Variants in DTNB observed in about 807,000 individuals in gnomAD.
DTNB encodes DTN-B.
Under a neutral mutation model 90.7 loss-of-function variants are expected in DTNB, and 63 were observed. The observed-to-expected ratio is 0.69, with a 90% CI of 0.57 to 0.86. The LOEUF is 0.86. Ranked by LOEUF, DTNB falls within the 40% of genes least tolerant of loss-of-function variation. The pLI is 0.00. For missense variants in DTNB, 744 were observed against 807.1 expected (o/e 0.92, Z 0.95); for synonymous variants, 277 against 286.7 (o/e 0.97, Z 0.34).
chr2:25,630,648 C>T (rs1487949608), intron 3 of DTNB, among the ~76,000 whole-genome samples: 2 of 151,876 alleles, frequency 1.3e-5, no homozygotes, highest in African/African-American at 4.8e-5. Context: ...AGTTCGAGAC[C>T]AGCCTGGCCA....
intron 8 of DTNB, among the ~76,000 whole-genome samples, chr2:25,565,850 C>A (rs2058948815): frequency 6.6e-6 from 1 of 152,058 alleles, no homozygotes; most frequent in Admixed American, 6.5e-5. Flanking sequence ...CTAAGAGATT[C>A]AAGACGTAAT....
chr2:25,563,143 C>T (rs1250489467), intron 8 of DTNB, among the ~76,000 whole-genome samples: 4 of 152,194 alleles, frequency 2.6e-5, no homozygotes, highest in African/African-American at 7.2e-5. Context: ...GTGTATAGTA[C>T]AGTAGTAGTG....
chr2:25,550,149 T>C (rs962787095), intron 8 of DTNB, among the ~76,000 whole-genome samples: 4 of 152,124 alleles, frequency 2.6e-5, no homozygotes, highest in Admixed American at 2.0e-4. Flanking sequence ...CCCAGCACTT[T>C]GGGAGGCCAA....
Position 25,626,570 on chromosome 2 carries a change from T to C in DTNB, c.362+1601A>G, listed in dbSNP as rs73922447. 3.0e-3 allele frequency among the ~76,000 whole-genome samples: 464 copies of C among 152,266 alleles called. 3 individuals are homozygous for C. The highest frequency in any genetic ancestry group is 0.011 in the African/African-American group (447 of 41,536). The stretch of plus-strand genomic sequence containing the variant: ...TTTGAGCCCAGTAGTTAGACCAGCC[T>C]GGGAAACACAGCAAGACCCCATCTC... On this transcript the variant is annotated intron_variant, in intron 4 of 20. Coordinates refer to ENST00000406818, the MANE Select transcript of DTNB (RefSeq NM_021907.5).
chr2:25,396,731 T>TAAAAAAAAAAAAAAAAAAAA (rs35592591), intron 16 of DTNB, among the ~76,000 whole-genome samples: 4 of 87,618 alleles, frequency 4.6e-5, no homozygotes, highest in African/African-American at 8.7e-5. Flanking sequence ...TAAAAGGAAC[T>TAAAAAAAAAAAAAAAAAAAA]AAAAAAAAAA....
At chr2:25,555,071 C>T (rs1039361518) in intron 8 of DTNB, among the ~76,000 whole-genome samples, 8 of 151,560 alleles carry the variant, frequency 5.3e-5, no homozygotes, top group South Asian at 2.1e-4. Flanking sequence ...CCGAGGTGGG[C>T]GGATCACGAA....
chr2:25,556,170 C>CTTTTTTTTTTTTTT (rs60714399), intron 8 of DTNB, among the ~76,000 whole-genome samples: 2 of 105,566 alleles, frequency 1.9e-5, no homozygotes, highest in African/African-American at 7.8e-5. Context: ...GGCCATCTCT[C>CTTTTTTTTTTTTTT]TTTTTTTTTT....
At chr2:25,431,335 T>C (rs1000289901) in intron 14 of DTNB, among the ~76,000 whole-genome samples, 1 of 152,118 alleles carries the variant, frequency 6.6e-6, no homozygotes, top group African/African-American at 2.4e-5. Context: ...CCGAGTCTTC[T>C]AGAAGTTTTA....
chr2:25,633,328 T>A (rs1486061430), intron 3 of DTNB, among the ~76,000 whole-genome samples: 2 of 152,128 alleles, frequency 1.3e-5, no homozygotes, highest in Non-Finnish European at 2.9e-5. Context: ...CACGCCTGAC[T>A]GGTTTTCGTA....
chr2:25,528,622 T>G (rs1253607804), intron 9 of DTNB, among the ~76,000 whole-genome samples: 1 of 152,196 alleles, frequency 6.6e-6, no homozygotes. Flanking sequence ...CTATTTGCAT[T>G]TCCATACACT....
rs143775781 is a variant in DTNB, at chr2:25,478,215, T to TG, written c.1079+4580dup. 8.9e-3 allele frequency among the ~76,000 whole-genome samples: 1,361 copies of TG among 152,284 alleles called. 12 individuals carry two copies. Among genetic ancestry groups the TG allele is most frequent in the Middle Eastern group, 0.017 (5 of 294 alleles). ...TGTTTAAAATGCATCATTTGGTTCA[T>TG]GGTTTAATGGGTTAATGAATCACAA... On this transcript the variant is annotated intron_variant, in intron 10 of 20. Transcript: ENST00000406818.
chr2:25,432,858 T>C (rs1381290213), intron 14 of DTNB, 28 bp downstream of exon 14: 2 of 1,566,342 alleles, frequency 1.3e-6, no homozygotes, highest in Non-Finnish European at 1.7e-6. Context: ...AGATTACATG[T>C]GGCAAGTGGT....
At chr2:25,386,436 T>C (rs2039489051) in intron 18 of DTNB, among the ~76,000 whole-genome samples, 1 of 152,174 alleles carries the variant, frequency 6.6e-6, no homozygotes, top group Non-Finnish European at 1.5e-5. Flanking sequence ...AAGCACTACA[T>C]TAGGTGGAAA....
chr2:25,509,166 TACTGC>T (rs2073319832), intron 9 of DTNB, among the ~76,000 whole-genome samples: 1 of 152,220 alleles, frequency 6.6e-6, no homozygotes, highest in Non-Finnish European at 1.5e-5. Context: ...TTTCTCGTAT[TACTGC>T]ACTAGCTAGG....
intron 9 of DTNB, among the ~76,000 whole-genome samples, chr2:25,484,938 T>A (rs2065821996): frequency 6.6e-6 from 1 of 152,258 alleles, no homozygotes; most frequent in African/African-American, 2.4e-5. Flanking sequence ...GATTAGCTTG[T>A]ATTTAGTCCT....
chr2:25,615,291 T>C (rs1317669747), intron 4 of DTNB, among the ~76,000 whole-genome samples: 2 of 152,130 alleles, frequency 1.3e-5, no homozygotes, highest in Non-Finnish European at 2.9e-5. Context: ...TCTCCAAACC[T>C]AGTCCTTTTG....
intron 8 of DTNB, among the ~76,000 whole-genome samples, chr2:25,564,459 C>T (rs1304498292): frequency 2.0e-5 from 3 of 152,124 alleles, no homozygotes; most frequent in Non-Finnish European, 4.4e-5. Flanking sequence ...TGGCTAACTG[C>T]AACCTCCACC....
At chr2:25,559,731 C>T (rs1317577352) in intron 8 of DTNB, among the ~76,000 whole-genome samples, 3 of 152,132 alleles carry the variant, frequency 2.0e-5, no homozygotes, top group Non-Finnish European at 4.4e-5. Flanking sequence ...ACTTAAGAAT[C>T]TAGATGGGAG....
chr2:25,546,122 T>C (rs1418139332), intron 8 of DTNB, among the ~76,000 whole-genome samples: 1 of 152,168 alleles, frequency 6.6e-6, no homozygotes, highest in African/African-American at 2.4e-5. Context: ...CCTCAGGCAA[T>C]AGACTGTGAC....
Sources: allele counts gnomAD v4.1 joint callset (sites outside exome capture counted in the v4.1 genomes callset), GRCh38; gene constraint gnomAD v4.1.1; transcripts MANE v1.5; gene names NCBI Gene and HGNC (gene_info 2026-07-23, HGNC 2026-07-21).